The following GPC5 variants were observed in gnomAD, a reference collection of about 807,000 sequenced individuals.
GPC5 encodes the protein glypican 5.
GPC5 carries 47 observed loss-of-function variants against 53.9 expected under a neutral mutation model. The ratio of observed to expected loss-of-function variants is 0.87; its 90% CI spans 0.69 to 1.11. The LOEUF (loss-of-function observed/expected upper bound fraction) is 1.11, where lower values mean the gene tolerates loss of function less well. Ranked by LOEUF, GPC5 falls within the 50% of genes most tolerant of loss-of-function variation. GPC5 has a pLI of 0.00. For missense variants in GPC5, 748 were observed against 713.1 expected (o/e 1.05, Z -0.56); for synonymous variants, 286 against 263.3 (o/e 1.09, Z -0.84).
chr13:92,032,076 T>A lies in GPC5; in HGVS notation c.1402-112754T>A, dbSNP rs556023249. ...AAATATATATATTATGTATATATAATATATCTGATGGAATACTACTCAGCC... is the reference window on the plus strand; with the variant it reads ...AAATATATATATTATGTATATATAAAATATCTGATGGAATACTACTCAGCC... On this transcript the variant is annotated intron_variant, in intron 6 of 7. Transcript: ENST00000377067. Among the ~76,000 whole-genome samples the A allele has an allele frequency of 4.3e-5, 6 of 139,452 alleles. No homozygotes were observed. The East Asian group carries it at 1.2e-3, about 28-fold the overall frequency. 91.5% of individuals were successfully genotyped at this position (139,452 alleles called of 152,430 possible). A position where few individuals can be genotyped will look rare whatever the true frequency, so the allele number is the denominator to read the frequency against.
At chr13:92,693,828 T>C (rs1012697508) in intron 7 of GPC5, among the ~76,000 whole-genome samples, 1 of 152,056 alleles carries the variant, frequency 6.6e-6, no homozygotes, top group African/African-American at 2.4e-5. Context: ...AGGAGCCAAA[T>C]GTTAATAGCC....
At chr13:91,535,577 G>T (rs376664103) in intron 2 of GPC5, among the ~76,000 whole-genome samples, 7 of 151,872 alleles carry the variant, frequency 4.6e-5, no homozygotes, top group African/African-American at 1.7e-4. Context: ...TATTCCTGGG[G>T]TGCCTACTCC....
intron 7 of GPC5, among the ~76,000 whole-genome samples, chr13:92,359,613 A>C (rs2043549670): frequency 6.6e-6 from 1 of 151,698 alleles, no homozygotes; most frequent in Non-Finnish European, 1.5e-5. Flanking sequence ...TATTTGGCTC[A>C]TGGTTCTGTA....
At chr13:92,075,273 ACTGT>A (rs1460356278) in intron 6 of GPC5, among the ~76,000 whole-genome samples, 1 of 152,214 alleles carries the variant, frequency 6.6e-6, no homozygotes, top group Non-Finnish European at 1.5e-5. Flanking sequence ...TACTGGAGAC[ACTGT>A]CTGCAATATC....
intron 5 of GPC5, among the ~76,000 whole-genome samples, chr13:91,809,800 A>C (rs959086650): frequency 3.3e-5 from 5 of 152,054 alleles, no homozygotes; most frequent in African/African-American, 9.7e-5. Flanking sequence ...ATATATGTGA[A>C]AAATTCTCGT....
chr13:92,197,492 A>AT (rs2042265139), intron 7 of GPC5, among the ~76,000 whole-genome samples: 2 of 151,708 alleles, frequency 1.3e-5, no homozygotes, highest in East Asian at 1.9e-4. Flanking sequence ...AACCACATAT[A>AT]TTTTTTCCTA....
At chr13:92,614,604 C>T (rs1446434287) in intron 7 of GPC5, among the ~76,000 whole-genome samples, 1 of 152,160 alleles carries the variant, frequency 6.6e-6, no homozygotes, top group African/African-American at 2.4e-5. Context: ...CCGCTTACTA[C>T]AGTGAATAAT....
At position 92,322,589 on chromosome 13, in the gene GPC5, C is replaced by T. The variant is rs150245685; in HGVS notation, c.1561+177600C>T. 9.6e-3 allele frequency among the ~76,000 whole-genome samples: 1,462 copies of T among 152,064 alleles called. 22 individuals carry two copies. Among genetic ancestry groups the T allele is most frequent in the African/African-American group, 0.033 (1,369 of 41,494 alleles). On this transcript the variant is annotated intron_variant, in intron 7 of 7. Transcript: ENST00000377067. ...GCATCTCTTTGCTATTGTCTATAGA[C>T]GAACTGAAATGCTATGAACATAGTA...
At chr13:91,439,919 A>G (rs1880295466) in intron 1 of GPC5, among the ~76,000 whole-genome samples, 1 of 152,256 alleles carries the variant, frequency 6.6e-6, no homozygotes. Context: ...AGCTGCTATC[A>G]TCATTGCAAT....
At chr13:92,781,892 C>T (rs780610901) in intron 7 of GPC5, among the ~76,000 whole-genome samples, 19 of 152,162 alleles carry the variant, frequency 1.2e-4, no homozygotes, top group Non-Finnish European at 2.2e-4. Flanking sequence ...GCAGCTGTGA[C>T]GCTGCAGAGC....
chr13:92,065,660 T>C (rs2041161984), intron 6 of GPC5, among the ~76,000 whole-genome samples: 1 of 152,172 alleles, frequency 6.6e-6, no homozygotes. Flanking sequence ...ATGCCCTTTA[T>C]TAATAAGTTG....
intron 7 of GPC5, among the ~76,000 whole-genome samples, chr13:92,787,019 C>G (rs1876262170): frequency 6.6e-6 from 1 of 152,156 alleles, no homozygotes; most frequent in Non-Finnish European, 1.5e-5. Context: ...TTGGACTGAC[C>G]TTGGTTCATA....
chr13:92,440,011 T>C (rs190548673), intron 7 of GPC5, among the ~76,000 whole-genome samples: 1 of 152,314 alleles, frequency 6.6e-6, no homozygotes, highest in East Asian at 1.9e-4. Flanking sequence ...ATTAATTGGA[T>C]AGGGAGCTCT....
chr13:92,835,464 T>C (rs1878191328), intron 7 of GPC5, among the ~76,000 whole-genome samples: 1 of 152,022 alleles, frequency 6.6e-6, no homozygotes, highest in South Asian at 2.1e-4. Context: ...TCTCAGTCAA[T>C]AGCAACTTAA....
chr13:91,930,825 G>C (rs2039815108), intron 6 of GPC5, among the ~76,000 whole-genome samples: 1 of 151,980 alleles, frequency 6.6e-6, no homozygotes, highest in Non-Finnish European at 1.5e-5. Flanking sequence ...GTAACAATTG[G>C]ATTTATTAAT....
At chr13:91,840,233 C>T (rs2038769512) in intron 5 of GPC5, among the ~76,000 whole-genome samples, 1 of 151,924 alleles carries the variant, frequency 6.6e-6, no homozygotes, top group Admixed American at 6.6e-5. Flanking sequence ...GTCTCTCCTA[C>T]TAGATTTAGA....
At chr13:92,161,080 T>G (rs1251253257) in intron 7 of GPC5, among the ~76,000 whole-genome samples, 1 of 151,888 alleles carries the variant, frequency 6.6e-6, no homozygotes, top group Non-Finnish European at 1.5e-5. Flanking sequence ...CCATAATAGT[T>G]GTAAAATTGT....
chr13:92,733,394 G>A (rs1400250379), intron 7 of GPC5, among the ~76,000 whole-genome samples: 1 of 151,486 alleles, frequency 6.6e-6, no homozygotes, highest in Non-Finnish European at 1.5e-5. Flanking sequence ...CAAATAGTTT[G>A]TCTTTCATTC....
intron 5 of GPC5, among the ~76,000 whole-genome samples, chr13:91,900,653 T>C (rs2039488670): frequency 6.6e-6 from 1 of 152,124 alleles, no homozygotes; most frequent in Non-Finnish European, 1.5e-5. Context: ...GCTTTGACTA[T>C]AAAAAACGTA....
Sources: gnomAD v4.1 joint callset for allele counts (sites outside exome capture counted in the v4.1 genomes callset) on GRCh38, gnomAD v4.1.1 for gene constraint, MANE v1.5 for transcripts, NCBI Gene and HGNC (gene_info 2026-07-23, HGNC 2026-07-21) for gene names.